RAP1A: variants seen among roughly 807,000 people sequenced by gnomAD.
RAP1A encodes the protein RAP1A, member of RAS oncogene family.
RAP1A carries 6 observed loss-of-function variants against 26.4 expected under a neutral mutation model. That is an observed-to-expected ratio of 0.23 (90% CI 0.12 to 0.45). The LOEUF (loss-of-function observed/expected upper bound fraction) is 0.45, where lower values mean the gene tolerates loss of function less well. Ranked by LOEUF, RAP1A falls within the 20% of genes least tolerant of loss-of-function variation. RAP1A has a pLI of 0.99. For missense variants in RAP1A, 121 were observed against 217.2 expected (o/e 0.56, Z 2.78); for synonymous variants, 73 against 79.4 (o/e 0.92, Z 0.43).
intron 4 of RAP1A, among the ~76,000 whole-genome samples, chr1:111,700,972 C>A (rs1662004617): frequency 6.6e-6 from 1 of 152,136 alleles, no homozygotes; most frequent in Non-Finnish European, 1.5e-5. Flanking sequence ...ATTTCAATAA[C>A]CTCAAAACTG....
intron 1 of RAP1A, among the ~76,000 whole-genome samples, chr1:111,554,689 T>C (rs1285842611): frequency 6.6e-6 from 1 of 152,258 alleles, no homozygotes; most frequent in Non-Finnish European, 1.5e-5. Context: ...AAGTCTTCTC[T>C]TGAGAATTTG....
At chr1:111,667,599 T>C (rs1333180512) in intron 1 of RAP1A, among the ~76,000 whole-genome samples, 1 of 151,844 alleles carries the variant, frequency 6.6e-6, no homozygotes, top group Non-Finnish European at 1.5e-5. Context: ...GGAGAATTGC[T>C]TGAACCTGGG....
At position 111,671,054 on chromosome 1, in the gene RAP1A, T is replaced by C. The variant is rs140474696; in HGVS notation, c.-27-20280T>C. The stretch of plus-strand genomic sequence containing the variant: ...ATTTATCTGGGGATATAGATATGGA[T>C]AAATTTCTTTAAAACAGTAGAATAT... On this transcript the variant is annotated intron_variant, in intron 1 of 7. Coordinates refer to ENST00000369709, the MANE Select transcript of RAP1A (RefSeq NM_002884.4). Among the ~76,000 whole-genome samples, 75 of 152,358 alleles carry C rather than the reference T, an allele frequency of 4.9e-4. 2 individuals are homozygous for C. The East Asian group carries it at 0.012, about 24-fold the overall frequency.
chr1:111,668,638 C>T (rs555370504), intron 1 of RAP1A, among the ~76,000 whole-genome samples: 18 of 152,204 alleles, frequency 1.2e-4, no homozygotes, highest in African/African-American at 4.1e-4. Flanking sequence ...TAAAGTCAGG[C>T]TTTTAACCAT....
At position 111,697,438 on chromosome 1, in the gene RAP1A, C is replaced by A. The variant is rs1235609436; in HGVS notation, c.127-3C>A. The A allele has an allele frequency of 3.7e-6, 6 of 1,610,634 alleles. No homozygotes were observed. The African/African-American group carries it at 4.0e-5, about 11-fold the overall frequency. ...AACCTTTTTTTTTTTTTTGCCCCCA[C>A]AGCAAGTTGAAGTCGATTGCCAACA... On this transcript the variant is annotated splice_region_variant and splice_polypyrimidine_tract_variant and intron_variant, in intron 3 of 7. Coordinates refer to ENST00000369709, the MANE Select transcript of RAP1A (RefSeq NM_002884.4).
chr1:111,676,410 T>C (rs768435312), intron 1 of RAP1A, among the ~76,000 whole-genome samples: 12 of 151,604 alleles, frequency 7.9e-5, no homozygotes, highest in Non-Finnish European at 1.6e-4. Flanking sequence ...ACCATATCAG[T>C]ATGTAACTGG....
intron 1 of RAP1A, among the ~76,000 whole-genome samples, chr1:111,575,573 T>G (rs1658132233): frequency 6.6e-6 from 1 of 152,210 alleles, no homozygotes. Flanking sequence ...CAAGTTTATA[T>G]GTTGAAGTCA....
At chr1:111,633,960 T>C (rs114654075) in intron 1 of RAP1A, among the ~76,000 whole-genome samples, 1 of 152,296 alleles carries the variant, frequency 6.6e-6, no homozygotes, top group Non-Finnish European at 1.5e-5. Flanking sequence ...GCCTTAAATA[T>C]TGGACATAAA....
chr1:111,587,218 C>G (rs1396722774), intron 1 of RAP1A, among the ~76,000 whole-genome samples: 2 of 152,142 alleles, frequency 1.3e-5, no homozygotes, highest in African/African-American at 4.8e-5. Flanking sequence ...GACCCTCAAG[C>G]TGCTGCTAAC....
In RAP1A at chr1:111,696,834, C is replaced by T. The variant is rs1661845276; in HGVS notation, c.127-607C>T. ...TAGAACTCAGTGTATAAAATTTCAC[C>T]TTTCACATAGAGCTTTTCTAGAAAA... On this transcript the variant is annotated intron_variant, in intron 3 of 7. Coordinates refer to ENST00000369709, the MANE Select transcript of RAP1A (RefSeq NM_002884.4). Among the ~76,000 whole-genome samples, 3 of 152,096 alleles carry T rather than the reference C, an allele frequency of 2.0e-5. No individual in the cohort carries two copies. The South Asian group carries it at 6.2e-4, about 32-fold the overall frequency.
chr1:111,564,343 A>G (rs1657861862), intron 1 of RAP1A, among the ~76,000 whole-genome samples: 1 of 152,064 alleles, frequency 6.6e-6, no homozygotes, highest in Non-Finnish European at 1.5e-5. Flanking sequence ...TAGGTGCCAG[A>G]AACTATTCTA....
At chr1:111,573,672 A>G (rs1571478059) in intron 1 of RAP1A, among the ~76,000 whole-genome samples, 2 of 152,172 alleles carry the variant, frequency 1.3e-5, no homozygotes, top group Admixed American at 1.3e-4. Context: ...CTGGTGTGAA[A>G]TGGTATCTAA....
Position 111,706,750 on chromosome 1 carries a change from T to C in RAP1A, c.468+2264T>C, listed in dbSNP as rs917145979. The C allele has an allele frequency of 3.0e-6, 3 of 984,180 alleles. No homozygotes were observed. The African/African-American group carries it at 5.2e-5, about 17-fold the overall frequency. The allele number at this position is 984,180 out of a possible 1,614,324, so 61.0% of individuals were successfully genotyped here. A position where few individuals can be genotyped will look rare whatever the true frequency, so the allele number is the denominator to read the frequency against. On this transcript the variant is annotated intron_variant, in intron 6 of 7. Coordinates refer to ENST00000369709, the MANE Select transcript of RAP1A (RefSeq NM_002884.4). ...CAAATATTATAGTTCGAACTTGCCC[T>C]CATCACTGAACCATCTGCTGCTGTG... is the stretch of plus-strand genomic sequence containing the variant.
intron 2 of RAP1A, 30 bp from the exon 3 acceptor site, chr1:111,695,311 T>G (rs1661793749): frequency 2.0e-6 from 3 of 1,502,004 alleles, no homozygotes. Flanking sequence ...TCCTTTAATT[T>G]TTTAATATTT....
intron 6 of RAP1A, among the ~76,000 whole-genome samples, chr1:111,708,573 A>C (rs529529862): frequency 2.0e-5 from 3 of 152,364 alleles, no homozygotes; most frequent in Admixed American, 1.3e-4. Flanking sequence ...TATAAAGTAC[A>C]TTATTGGGGC....
chr1:111,561,881 C>T (rs1243143529), intron 1 of RAP1A, among the ~76,000 whole-genome samples: 4 of 152,014 alleles, frequency 2.6e-5, no homozygotes, highest in Non-Finnish European at 1.5e-5. Flanking sequence ...ATTTTTGGCC[C>T]GGACTTTTTC....
At chr1:111,687,064 T>C (rs946108525) in intron 1 of RAP1A, among the ~76,000 whole-genome samples, 2 of 152,294 alleles carry the variant, frequency 1.3e-5, no homozygotes, top group African/African-American at 4.8e-5. Flanking sequence ...TTGGAATGTT[T>C]AGACAATTTG....
intron 1 of RAP1A, chr1:111,563,788 T>C: frequency 7.5e-7 from 1 of 1,339,052 alleles, no homozygotes; most frequent in Non-Finnish European, 1.1e-6. Context: ...GTGGTCAGTA[T>C]GCAGACTCAG....
intron 1 of RAP1A, among the ~76,000 whole-genome samples, chr1:111,628,388 G>A (rs1659463489): frequency 6.6e-6 from 1 of 152,158 alleles, no homozygotes; most frequent in South Asian, 2.1e-4. Context: ...GAAGTTGGAG[G>A]ACAGGTGATT....
Sources: gnomAD v4.1 joint callset for allele counts (sites outside exome capture counted in the v4.1 genomes callset) on GRCh38, gnomAD v4.1.1 for gene constraint, MANE v1.5 for transcripts, NCBI Gene and HGNC (gene_info 2026-07-23, HGNC 2026-07-21) for gene names.